Variants in NBEA observed in about 807,000 individuals in gnomAD.
NBEA encodes the protein neurobeachin.
NBEA carries 44 observed loss-of-function variants against 343.4 expected under a neutral mutation model. The ratio of observed to expected loss-of-function variants is 0.13; its 90% CI spans 0.10 to 0.16. The LOEUF is 0.16. Among genes scored for constraint, NBEA ranks in the 10% least tolerant of loss-of-function variants. NBEA has a pLI of 1.00. For synonymous variants in NBEA, 1,175 were observed against 1,238.7 expected (o/e 0.95, Z 1.08); for missense variants, 2,555 against 3,631.3 (o/e 0.70, Z 7.62).
chr13:35,251,980 C>A (rs2032028474), intron 34 of NBEA, among the ~76,000 whole-genome samples: 1 of 152,058 alleles, frequency 6.6e-6, no homozygotes, highest in South Asian at 2.1e-4. Context: ...AAAATCACTC[C>A]AGATCTCTAA....
chr13:35,335,974 G>C (rs2039233777), intron 36 of NBEA, among the ~76,000 whole-genome samples: 1 of 152,134 alleles, frequency 6.6e-6, no homozygotes, highest in Non-Finnish European at 1.5e-5. Flanking sequence ...CTAAGGTACA[G>C]TTGAAACCTG....
chr13:35,048,738 A>T (rs1253716361), intron 5 of NBEA, 54 bp downstream of exon 5: 14 of 1,019,800 alleles, frequency 1.4e-5, no homozygotes, highest in Middle Eastern at 2.8e-4. Context: ...TGAATTCTAT[A>T]AATGTATAGT....
At position 35,196,092 on chromosome 13, in the gene NBEA, C is replaced by T; in HGVS notation, c.5156C>T (p.Thr1719Ile). 2 of 1,613,634 alleles carry T rather than the reference C, an allele frequency of 1.2e-6. No individual in the cohort carries two copies. The change falls in exon 31 of 59, where the codon ACT (threonine) becomes ATT (isoleucine). Residue 1719 changes from threonine (T) to isoleucine (I), a missense_variant. Transcript: ENST00000379939. ...GTGAAGAAATCACAAGAGAGCTTAA[C>T]TGAAAATCCTAGTGAAACGTTGAAG... ...SEVKKSQESL[T>I]ENPSETLKPA...
rs1233320093 is a variant in NBEA, at chr13:35,515,800, T to G, written c.6586-34677T>G. ...TTTTCTCTTTGTTAAATGAAGGGTG[T>G]GAGTAATTAAAAGCTTAAAATACTA... is the stretch of plus-strand genomic sequence containing the variant. On this transcript the variant is annotated intron_variant, in intron 41 of 58. Coordinates refer to ENST00000379939, the MANE Select transcript of NBEA (RefSeq NM_001385012.1). Among the ~76,000 whole-genome samples, 8 of 152,232 alleles carry G rather than the reference T, an allele frequency of 5.3e-5. No individual in the cohort carries two copies. In the South Asian group the frequency reaches 1.5e-3, roughly 28 times the overall value.
intron 5 of NBEA, 22 bp downstream of exon 5, chr13:35,048,706 A>C (rs1259492623): frequency 2.5e-6 from 3 of 1,214,184 alleles, no homozygotes; most frequent in Non-Finnish European, 3.5e-6. Flanking sequence ...GTTTAATTTT[A>C]GTACTTTTTT....
At chr13:35,621,674 T>C (rs1442877683) in intron 48 of NBEA, among the ~76,000 whole-genome samples, 1 of 152,172 alleles carries the variant, frequency 6.6e-6, no homozygotes, top group Non-Finnish European at 1.5e-5. Flanking sequence ...GCTGAGTGAA[T>C]GAATGAGCTT....
intron 10 of NBEA, among the ~76,000 whole-genome samples, chr13:35,074,442 T>C (rs2064021816): frequency 6.6e-6 from 1 of 152,178 alleles, no homozygotes; most frequent in African/African-American, 2.4e-5. Flanking sequence ...AATTATGTTT[T>C]CTGGAACAAG....
chr13:35,414,243 T>TA (rs1220007848), intron 38 of NBEA, among the ~76,000 whole-genome samples: 1 of 150,220 alleles, frequency 6.7e-6, no homozygotes, highest in Non-Finnish European at 1.5e-5. Context: ...CTCTTTTTTT[T>TA]ATTATACTTT....
At position 35,289,394 on chromosome 13, in the gene NBEA, A is replaced by G. The variant is rs140982985; in HGVS notation, c.5777-995A>G. On this transcript the variant is annotated intron_variant, in intron 34 of 58. Transcript: ENST00000379939. ...TTTTAAAAACAGTGAAAAACTTTAG[A>G]AAATATTTTTAAATTACCAAACATC... is the stretch of plus-strand genomic sequence containing the variant. Among the ~76,000 whole-genome samples, 7 of 151,984 alleles carry G rather than the reference A, an allele frequency of 4.6e-5. No individual in the cohort carries two copies. In the East Asian group the frequency reaches 1.4e-3, roughly 29 times the overall value.
chr13:35,181,788 T>C (rs1482438513), intron 28 of NBEA, among the ~76,000 whole-genome samples: 2 of 151,868 alleles, frequency 1.3e-5, no homozygotes, highest in African/African-American at 4.8e-5. Context: ...CGATCAAAGA[T>C]TGAATTAGCT....
At chr13:35,555,982 A>G (rs1250363373) in intron 44 of NBEA, among the ~76,000 whole-genome samples, 1 of 152,030 alleles carries the variant, frequency 6.6e-6, no homozygotes, top group Non-Finnish European at 1.5e-5. Context: ...TACTATAGGT[A>G]TATATTAAAT....
chr13:34,973,474 T>G (rs1379740936), intron 1 of NBEA, among the ~76,000 whole-genome samples: 1 of 152,108 alleles, frequency 6.6e-6, no homozygotes, highest in Non-Finnish European at 1.5e-5. Context: ...TTCAAATCTT[T>G]GTTGGCCAGA....
intron 23 of NBEA, among the ~76,000 whole-genome samples, chr13:35,163,103 T>C (rs1484543049): frequency 6.6e-6 from 1 of 152,174 alleles, no homozygotes; most frequent in Non-Finnish European, 1.5e-5. Context: ...AAGTGAGTGA[T>C]ACTCAGCTTT....
chr13:35,151,543 C>CAAAA (rs35047334), intron 18 of NBEA, among the ~76,000 whole-genome samples: 1 of 94,226 alleles, frequency 1.1e-5, no homozygotes, highest in Non-Finnish European at 2.2e-5. Flanking sequence ...AACTCTGTCT[C>CAAAA]AAAAAAAAAA....
chr13:35,642,323 A>G, intron 49 of NBEA, among the ~76,000 whole-genome samples: 1 of 152,332 alleles, frequency 6.6e-6, no homozygotes, highest in African/African-American at 2.4e-5. Flanking sequence ...TTTAATTGAT[A>G]GCATATTTTA....
intron 41 of NBEA, among the ~76,000 whole-genome samples, chr13:35,501,918 T>A (rs1468839141): frequency 6.6e-6 from 1 of 152,112 alleles, no homozygotes; most frequent in East Asian, 1.9e-4. Flanking sequence ...GATGTATGTA[T>A]GTGTGTGTGC....
At chr13:35,434,445 A>G (rs544763163) in intron 39 of NBEA, among the ~76,000 whole-genome samples, 1 of 152,304 alleles carries the variant, frequency 6.6e-6, no homozygotes, top group South Asian at 2.1e-4. Flanking sequence ...ATAAAAGAAA[A>G]GAGGAGTATG....
chr13:35,245,667 TA>T (rs1566512134), intron 34 of NBEA, among the ~76,000 whole-genome samples: 6 of 152,160 alleles, frequency 3.9e-5, no homozygotes, highest in Admixed American at 3.3e-4. Context: ...GTTAATCTGA[TA>T]TGTTTTCCTT....
chr13:35,426,777 G>GT (rs1219051008), intron 38 of NBEA, among the ~76,000 whole-genome samples: 4 of 152,128 alleles, frequency 2.6e-5, no homozygotes, highest in African/African-American at 7.2e-5. Flanking sequence ...TCACTTTCAG[G>GT]TACACCAATC....
Sources: allele counts gnomAD v4.1 joint callset (sites outside exome capture counted in the v4.1 genomes callset), GRCh38; gene constraint gnomAD v4.1.1; transcripts MANE v1.5; gene names NCBI Gene and HGNC (gene_info 2026-07-23, HGNC 2026-07-21).